PRKN: variants seen among roughly 807,000 people sequenced by gnomAD.
PRKN encodes the protein E3 ubiquitin-protein ligase parkin.
Under a neutral mutation model 59.5 loss-of-function variants are expected in PRKN, and 56 were observed. The ratio of observed to expected loss-of-function variants is 0.94; its 90% confidence interval spans 0.76 to 1.18. PRKN has a LOEUF of 1.18. Ranked by LOEUF, PRKN falls within the 50% of genes most tolerant of loss-of-function variation. PRKN has a pLI of 0.00. For synonymous variants in PRKN, 250 were observed against 222.1 expected (o/e 1.13, Z -1.12); for missense variants, 657 against 596.4 (o/e 1.10, Z -1.06).
At chr6:162,216,563 A>C (rs1435931960) in intron 3 of PRKN, among the ~76,000 whole-genome samples, 3 of 150,438 alleles carry the variant, frequency 2.0e-5, no homozygotes, top group African/African-American at 7.4e-5. Context: ...AAAAAAAAAA[A>C]ACCCAGTTTG....
intron 5 of PRKN, among the ~76,000 whole-genome samples, chr6:162,051,959 G>A (rs1281203535): frequency 3.3e-5 from 5 of 152,194 alleles, no homozygotes. Flanking sequence ...CCCCTTATTT[G>A]TGGACTGTGG....
At chr6:162,026,921 A>C (rs1240374941) in intron 5 of PRKN, among the ~76,000 whole-genome samples, 1 of 152,198 alleles carries the variant, frequency 6.6e-6, no homozygotes, top group Non-Finnish European at 1.5e-5. Context: ...CCGTATGTGT[A>C]ATGGACTGTA....
chr6:162,485,694 A>G (rs1381340564), intron 1 of PRKN, among the ~76,000 whole-genome samples: 1 of 152,118 alleles, frequency 6.6e-6, no homozygotes, highest in African/African-American at 2.4e-5. Context: ...ACTTGTCTTT[A>G]CCCCAACAAC....
At chr6:161,421,081 T>G (rs141936682) in intron 9 of PRKN, among the ~76,000 whole-genome samples, 1 of 152,194 alleles carries the variant, frequency 6.6e-6, no homozygotes, top group African/African-American at 2.4e-5. Context: ...GGAAGGATCC[T>G]CCTGGTCCTT....
chr6:162,648,384 C>CTTTTTT (rs10644990), intron 1 of PRKN, among the ~76,000 whole-genome samples: 3 of 144,486 alleles, frequency 2.1e-5, no homozygotes, highest in Non-Finnish European at 4.5e-5. Flanking sequence ...GGTGTTCTTT[C>CTTTTTT]TTTTTTTATT....
chr6:161,765,321 C>A (rs959491080), intron 7 of PRKN, among the ~76,000 whole-genome samples: 1 of 152,250 alleles, frequency 6.6e-6, no homozygotes, highest in South Asian at 2.1e-4. Flanking sequence ...GGAAAATGAA[C>A]AATAGGACTT....
intron 1 of PRKN, among the ~76,000 whole-genome samples, chr6:162,700,032 C>T (rs1488807698): frequency 2.6e-5 from 4 of 152,170 alleles, no homozygotes; most frequent in African/African-American, 9.7e-5. Context: ...TAATCATTGA[C>T]GAGCTAACTT....
intron 1 of PRKN, among the ~76,000 whole-genome samples, chr6:162,723,334 A>C (rs1420131222): frequency 1.3e-5 from 2 of 152,238 alleles, no homozygotes; most frequent in Non-Finnish European, 2.9e-5. Context: ...TCATCTGTCA[A>C]GACGGCAAAA....
intron 6 of PRKN, among the ~76,000 whole-genome samples, chr6:161,830,509 C>T (rs1431550558): frequency 6.6e-6 from 1 of 152,148 alleles, no homozygotes; most frequent in African/African-American, 2.4e-5. Flanking sequence ...GCCTCGGCCT[C>T]CCAAAGTGCT....
At chr6:161,710,496 A>C (rs965714886) in intron 7 of PRKN, among the ~76,000 whole-genome samples, 1 of 152,138 alleles carries the variant, frequency 6.6e-6, no homozygotes, top group African/African-American at 2.4e-5. Context: ...CTCAGTTTTA[A>C]GCTAAGAACA....
intron 2 of PRKN, 99 bp downstream of exon 2, chr6:162,443,211 T>G: frequency 8.1e-7 from 1 of 1,234,646 alleles, no homozygotes; most frequent in Non-Finnish European, 1.2e-6. Context: ...GCACTATTTA[T>G]TCTATTAGAT....
intron 8 of PRKN, among the ~76,000 whole-genome samples, chr6:161,553,684 A>G (rs923374749): frequency 1.3e-4 from 20 of 152,214 alleles, no homozygotes; most frequent in African/African-American, 4.8e-4. Flanking sequence ...ATGAATAGGA[A>G]AGGCAGGATA....
At chr6:162,509,284 G>A (rs1793744635) in intron 1 of PRKN, among the ~76,000 whole-genome samples, 1 of 152,000 alleles carries the variant, frequency 6.6e-6, no homozygotes, top group Admixed American at 6.6e-5. Context: ...TATCCATTAG[G>A]GACCCTTTTG....
intron 1 of PRKN, among the ~76,000 whole-genome samples, chr6:162,629,387 ATAT>A (rs892978087): frequency 6.6e-6 from 1 of 152,054 alleles, no homozygotes; most frequent in African/African-American, 2.4e-5. Flanking sequence ...CAGCTGCTAT[ATAT>A]TATTAACTGT....
intron 6 of PRKN, among the ~76,000 whole-genome samples, chr6:161,793,607 T>C (rs749358829): frequency 5.3e-5 from 8 of 151,562 alleles, no homozygotes; most frequent in African/African-American, 1.9e-4. Flanking sequence ...TCACAGTCTA[T>C]AGAGTTGAAG....
chr6:162,350,917 A>G (rs1323578006), intron 2 of PRKN, among the ~76,000 whole-genome samples: 1 of 152,200 alleles, frequency 6.6e-6, no homozygotes, highest in African/African-American at 2.4e-5. Context: ...TGCAAGTTAT[A>G]TATCTGATAA....
Position 161,734,134 on chromosome 6 carries a change from T to C in PRKN, c.871+51638A>G, listed in dbSNP as rs139995540. Among the ~76,000 whole-genome samples, 48 of 152,212 alleles carry C rather than the reference T, an allele frequency of 3.2e-4. 1 individual carries two copies. Among genetic ancestry groups the C allele is most frequent in the Admixed American group, 3.1e-3 (48 of 15,276 alleles). ...CAGTGAACACACAGATGTGAAGACA[T>C]GTGCAAGCCATGTTTGTTAATTTAT... is the stretch of plus-strand genomic sequence containing the variant. On this transcript the variant is annotated intron_variant, in intron 7 of 11. Transcript: ENST00000366898.
chr6:162,524,252 A>T (rs539528378), intron 1 of PRKN, among the ~76,000 whole-genome samples: 2 of 152,316 alleles, frequency 1.3e-5, no homozygotes, highest in African/African-American at 4.8e-5. Context: ...AATATACCTA[A>T]GGCGTCCTGC....
intron 3 of PRKN, among the ~76,000 whole-genome samples, chr6:162,219,805 G>A (rs993364313): frequency 2.0e-5 from 3 of 152,082 alleles, no homozygotes; most frequent in Non-Finnish European, 4.4e-5. Flanking sequence ...AATAGTATTT[G>A]CCTTTAATGA....
Sources: allele counts gnomAD v4.1 joint callset (sites outside exome capture counted in the v4.1 genomes callset), GRCh38; gene constraint gnomAD v4.1.1; transcripts MANE v1.5; gene names NCBI Gene and HGNC (gene_info 2026-07-23, HGNC 2026-07-21).